The following EDA variants were observed in gnomAD, a reference collection of about 807,000 sequenced individuals.
EDA encodes the protein ectodysplasin A.
EDA carries 2 observed loss-of-function variants against 23.6 expected under a neutral mutation model. The observed-to-expected ratio is 0.08, with a 90% CI of 0.03 to 0.27. EDA has a LOEUF of 0.27. Among genes scored for constraint, EDA ranks in the 10% least tolerant of loss-of-function variants. EDA has a pLI of 1.00. For synonymous variants in EDA, 131 were observed against 132.0 expected (o/e 0.99, Z 0.05); for missense variants, 229 against 324.2 (o/e 0.71, Z 2.26).
chrX:69,712,696 C>G (rs2012118086), intron 1 of EDA, among the ~76,000 whole-genome samples: 1 of 111,241 alleles, frequency 9.0e-6, no homozygotes, highest in Admixed American at 9.6e-5. Flanking sequence ...TTTGACCCAG[C>G]CATCCCATTA....
intron 1 of EDA, among the ~76,000 whole-genome samples, chrX:69,750,734 A>G (rs1378038995): frequency 8.9e-6 from 1 of 111,810 alleles, no homozygotes; most frequent in Non-Finnish European, 1.9e-5. Context: ...GTGAGATGGT[A>G]TCTCATTGTG....
At chrX:69,780,725 C>G (rs780140996) in intron 1 of EDA, among the ~76,000 whole-genome samples, 2 of 100,225 alleles carry the variant, frequency 2.0e-5, no homozygotes, top group East Asian at 5.7e-4. Context: ...CCCCTTCACT[C>G]TCTCTTTCCT....
At chrX:69,828,238 C>T (rs772774041) in intron 1 of EDA, among the ~76,000 whole-genome samples, 3 of 112,491 alleles carry the variant, frequency 2.7e-5, no homozygotes. Context: ...CCAGTTGGAG[C>T]TTCCAGTCTG....
At chrX:69,811,992 AATT>A (rs760220305) in intron 1 of EDA, among the ~76,000 whole-genome samples, 8 of 111,759 alleles carry the variant, frequency 7.2e-5, no homozygotes, top group African/African-American at 2.3e-4. Flanking sequence ...AGCTGTCACC[AATT>A]ATACAACAAA....
At chrX:69,727,244 G>A (rs961921319) in intron 1 of EDA, among the ~76,000 whole-genome samples, 4 of 111,661 alleles carry the variant, frequency 3.6e-5, no homozygotes, top group Admixed American at 2.8e-4. Flanking sequence ...TCATCTGCTC[G>A]TGGAGCCTGA....
At chrX:69,967,094 G>A (rs1023240293) in intron 2 of EDA, among the ~76,000 whole-genome samples, 10 of 110,401 alleles carry the variant, frequency 9.1e-5, no homozygotes, top group East Asian at 2.8e-4. Context: ...GGTTCTTTAT[G>A]TAGTTCTATA....
chrX:69,787,011 C>A (rs1236527889), intron 1 of EDA, among the ~76,000 whole-genome samples: 32 of 102,374 alleles, frequency 3.1e-4, no homozygotes, highest in Non-Finnish European at 6.4e-4. Flanking sequence ...ATAGTTAGCT[C>A]TTCTTGTTGA....
intron 1 of EDA, among the ~76,000 whole-genome samples, chrX:69,830,404 G>C (rs182969346): frequency 2.8e-4 from 31 of 111,251 alleles, no homozygotes; most frequent in Non-Finnish European, 4.7e-4. Flanking sequence ...CAGAATACTG[G>C]CTACTGCTGA....
chrX:69,716,190 T>C (rs530532856), intron 1 of EDA, among the ~76,000 whole-genome samples: 1 of 112,092 alleles, frequency 8.9e-6, no homozygotes, highest in South Asian at 3.7e-4. Flanking sequence ...CTAGGGTTTT[T>C]ATAGTTTGGG....
At chrX:69,821,870 G>C (rs2016234118) in intron 1 of EDA, among the ~76,000 whole-genome samples, 1 of 111,829 alleles carries the variant, frequency 8.9e-6, no homozygotes, top group African/African-American at 3.3e-5. Flanking sequence ...GTACAGTTTG[G>C]TGTTACTAAA....
intron 1 of EDA, among the ~76,000 whole-genome samples, chrX:69,875,873 A>G (rs987072311): frequency 8.9e-6 from 1 of 112,427 alleles, no homozygotes; most frequent in Non-Finnish European, 1.9e-5. Context: ...TAAACAGCCA[A>G]CAAACATATG....
chrX:69,659,506 G>T (rs1933420506), intron 1 of EDA, among the ~76,000 whole-genome samples: 1 of 111,481 alleles, frequency 9.0e-6, no homozygotes, highest in Admixed American at 9.6e-5. Context: ...AAAGATATAG[G>T]AACTAGAAAT....
At chrX:69,903,690 G>T (rs1287840942) in intron 1 of EDA, among the ~76,000 whole-genome samples, 2 of 108,759 alleles carry the variant, frequency 1.8e-5, no homozygotes, top group African/African-American at 6.7e-5. Context: ...TCCCAGAAAA[G>T]ACTTTTTTTT....
At chrX:69,857,063 A>G (rs933029395) in intron 1 of EDA, among the ~76,000 whole-genome samples, 1 of 111,788 alleles carries the variant, frequency 8.9e-6, no homozygotes, top group Admixed American at 9.5e-5. Flanking sequence ...GTGGGAGACG[A>G]GGATCCAATT....
At chrX:69,877,782 C>T (rs919770113) in intron 1 of EDA, among the ~76,000 whole-genome samples, 5 of 112,245 alleles carry the variant, frequency 4.5e-5, no homozygotes, top group Non-Finnish European at 9.4e-5. Flanking sequence ...ATTTTTCCTT[C>T]TGGATATTTT....
chrX:69,920,810 A>G (rs1056090164), intron 1 of EDA, among the ~76,000 whole-genome samples: 1 of 111,804 alleles, frequency 8.9e-6, no homozygotes, highest in African/African-American at 3.2e-5. Flanking sequence ...TTGCCTTTTC[A>G]TATTTCACTG....
chrX:69,719,995 G>T (rs2012519350), intron 1 of EDA, among the ~76,000 whole-genome samples: 1 of 110,629 alleles, frequency 9.0e-6, no homozygotes, highest in African/African-American at 3.3e-5. Context: ...TAATCCGCCT[G>T]CCTCGGCCTC....
intron 1 of EDA, among the ~76,000 whole-genome samples, chrX:69,769,966 T>C (rs1173184236): frequency 1.8e-5 from 2 of 111,414 alleles, no homozygotes; most frequent in Admixed American, 1.9e-4. Context: ...GTTCTATCTT[T>C]ATAATTTTCT....
At chrX:69,795,280 C>G (rs1366427769) in intron 1 of EDA, among the ~76,000 whole-genome samples, 1 of 111,909 alleles carries the variant, frequency 8.9e-6, no homozygotes, top group Non-Finnish European at 1.9e-5. Flanking sequence ...CCTGCCTCAG[C>G]CTCTCAAAGT....
Sources: gnomAD v4.1 joint callset for allele counts (sites outside exome capture counted in the v4.1 genomes callset) on GRCh38, gnomAD v4.1.1 for gene constraint, MANE v1.5 for transcripts, NCBI Gene and HGNC (gene_info 2026-07-23, HGNC 2026-07-21) for gene names.